MAGI2: variants seen among roughly 807,000 people sequenced by gnomAD.
MAGI2 encodes the protein membrane-associated guanylate kinase, WW and PDZ domain-containing protein 2.
A neutral mutation model predicts 133.3 loss-of-function variants in MAGI2; 35 were observed. The ratio of observed to expected loss-of-function variants is 0.26; its 90% CI spans 0.20 to 0.35. The LOEUF (loss-of-function observed/expected upper bound fraction) is 0.35, where lower values mean the gene tolerates loss of function less well. Ranked by LOEUF, MAGI2 falls within the 10% of genes least tolerant of loss-of-function variation. The pLI is 1.00. For missense variants in MAGI2, 1,636 were observed against 1,863.4 expected (o/e 0.88, Z 2.25); for synonymous variants, 729 against 710.6 (o/e 1.03, Z -0.41).
At position 78,765,343 on chromosome 7, in the gene MAGI2, C is replaced by CGTTTT. The variant is rs71931638; in HGVS notation, c.419-138105_419-138104insAAAAC. Reference sequence around the variant, plus strand: ...CATTTAACAAATGTTTAGTGCACATCTTTTTTTTTTTTTTTTTTTTTTGAG... The same window carrying CGTTTT: ...CATTTAACAAATGTTTAGTGCACATCGTTTTTTTTTTTTTTTTTTTTTTTTTTGAG... On this transcript the variant is annotated intron_variant, in intron 2 of 21. Transcript: ENST00000354212. 1.3e-4 allele frequency among the ~76,000 whole-genome samples: 12 copies of CGTTTT among 89,054 alleles called. 1 individual carries two copies. Among genetic ancestry groups the CGTTTT allele is most frequent in the Middle Eastern group, 0.013 (1 of 80 alleles). 58.4% of individuals were successfully genotyped at this position (89,054 alleles called of 152,430 possible). A position where few individuals can be genotyped will look rare whatever the true frequency, so the allele number is the denominator to read the frequency against.
chr7:78,366,804 T>A (rs1793425362), intron 7 of MAGI2, among the ~76,000 whole-genome samples: 1 of 152,180 alleles, frequency 6.6e-6, no homozygotes, highest in African/African-American at 2.4e-5. Flanking sequence ...CTGTGTGGCC[T>A]GCTACACCCA....
chr7:78,521,632 A>G lies in MAGI2; in HGVS notation c.552T>C (p.Gly184=), dbSNP rs1796513977. ...CTGGTTCTGCTGGCGGCTTTGGGGT[A>G]CCGTAGTAATTGTCTGCAAACAATA... ...ESGTYEDNYY[G]TPKPPAEPAP... is the part of the protein sequence containing the mutation. Residue 184 remains glycine, a synonymous_variant, in exon 4 of 22, where the codon GGT becomes GGC. Transcript: ENST00000354212. 1 of 1,613,974 alleles carries G rather than the reference A, an allele frequency of 6.2e-7. No homozygotes were observed. The highest frequency in any genetic ancestry group is 1.3e-5 in the African/African-American group (1 of 74,910).
intron 1 of MAGI2, among the ~76,000 whole-genome samples, chr7:79,047,926 C>T (rs538997080): frequency 5.9e-4 from 90 of 152,134 alleles, no homozygotes; most frequent in African/African-American, 2.1e-3. Context: ...TTTTAGAAGT[C>T]AATAAATGTT....
chr7:79,012,053 C>A (rs2116591571), intron 1 of MAGI2: 1 of 152,004 alleles, frequency 6.6e-6, no homozygotes, highest in Non-Finnish European at 1.5e-5. Context: ...CTACTCTGCC[C>A]TTACTTAGTC....
Position 78,573,368 on chromosome 7 carries a change from ATATAT to A in MAGI2, c.539-51728_539-51724del, listed in dbSNP as rs1801915610. Among the ~76,000 whole-genome samples the A allele has an allele frequency of 4.6e-4, 4 of 8,676 alleles. 1 individual carries two copies. Among genetic ancestry groups the A allele is most frequent in the African/African-American group, 9.1e-4 (2 of 2,196 alleles). 5.7% of individuals were successfully genotyped at this position (8,676 alleles called of 152,430 possible). A position where few individuals can be genotyped will look rare whatever the true frequency, so the allele number is the denominator to read the frequency against. On this transcript the variant is annotated intron_variant, in intron 3 of 21. Coordinates refer to ENST00000354212, the MANE Select transcript of MAGI2 (RefSeq NM_012301.4). The stretch of plus-strand genomic sequence containing the variant: ...TATAGAGAGAGAGAATCCTGGAAAT[ATATAT>A]ATATATATATATATATATATATATA...
At chr7:78,572,940 C>T (rs1219630251) in intron 3 of MAGI2, among the ~76,000 whole-genome samples, 1 of 147,780 alleles carries the variant, frequency 6.8e-6, no homozygotes, top group Non-Finnish European at 1.5e-5. Context: ...GCATGAGCCA[C>T]CATGCCTGGC....
intron 2 of MAGI2, among the ~76,000 whole-genome samples, chr7:78,956,747 G>T (rs112612822): frequency 4.6e-5 from 7 of 152,202 alleles, no homozygotes; most frequent in African/African-American, 1.7e-4. Flanking sequence ...GATAGTGCCC[G>T]TTTTTTATGT....
At chr7:79,117,771 G>C (rs1384835131) in intron 1 of MAGI2, among the ~76,000 whole-genome samples, 1 of 152,144 alleles carries the variant, frequency 6.6e-6, no homozygotes, top group Non-Finnish European at 1.5e-5. Flanking sequence ...TAGCTAAAAA[G>C]CTTCTCTGAA....
rs553001406 is a variant in MAGI2 at position 78,473,515 on chromosome 7, T to A, written c.1045+16246A>T. Among the ~76,000 whole-genome samples the A allele has an allele frequency of 4.6e-5, 7 of 152,128 alleles. No individual in the cohort carries two copies. In the South Asian group the frequency reaches 1.4e-3, roughly 31 times the overall value. ...CATCTATAACCTTCCTCCAAGTAAA[T>A]CCACATGTAAAACAAGTTTCTTTCT... On this transcript the variant is annotated intron_variant, in intron 6 of 21. Transcript: ENST00000354212.
intron 4 of MAGI2, among the ~76,000 whole-genome samples, chr7:78,511,548 T>A (rs1352032064): frequency 8.7e-6 from 1 of 114,940 alleles, no homozygotes; most frequent in Admixed American, 9.1e-5. Context: ...TATATATATA[T>A]AAATTTTTTT....
chr7:79,135,996 AAAGAAAG>A (rs1821398809), intron 1 of MAGI2, among the ~76,000 whole-genome samples: 1 of 40,372 alleles, frequency 2.5e-5, no homozygotes, highest in Non-Finnish European at 9.5e-5. Context: ...AGAAAGAAAG[AAAGAAAG>A]AGAAAGAAAG....
At chr7:79,255,243 T>C (rs1226178931) in intron 1 of MAGI2, among the ~76,000 whole-genome samples, 1 of 152,202 alleles carries the variant, frequency 6.6e-6, no homozygotes, top group East Asian at 1.9e-4. Flanking sequence ...ATTTTACTCA[T>C]TAGAATCCTA....
intron 2 of MAGI2, among the ~76,000 whole-genome samples, chr7:78,820,395 A>T: frequency 6.6e-6 from 1 of 151,984 alleles, no homozygotes; most frequent in Non-Finnish European, 1.5e-5. Flanking sequence ...AACCTGAAAG[A>T]ACATTTAAAA....
chr7:78,932,425 G>T (rs1370125439), intron 2 of MAGI2, among the ~76,000 whole-genome samples: 1 of 151,988 alleles, frequency 6.6e-6, no homozygotes, highest in African/African-American at 2.4e-5. Flanking sequence ...TGGTGTTAGA[G>T]TGACCGCCAT....
At chr7:78,034,735 C>A (rs976984152) in intron 21 of MAGI2, among the ~76,000 whole-genome samples, 1 of 152,134 alleles carries the variant, frequency 6.6e-6, no homozygotes, top group African/African-American at 2.4e-5. Context: ...ACCATGTTGG[C>A]CAGGCTGGTC....
chr7:79,036,863 A>G (rs958247580), intron 1 of MAGI2, among the ~76,000 whole-genome samples: 1 of 152,204 alleles, frequency 6.6e-6, no homozygotes, highest in Non-Finnish European at 1.5e-5. Context: ...ACTCAGATCT[A>G]TTGAGTCGAT....
chr7:78,911,376 T>C (rs1798385879), intron 2 of MAGI2, among the ~76,000 whole-genome samples: 1 of 152,182 alleles, frequency 6.6e-6, no homozygotes, highest in Non-Finnish European at 1.5e-5. Context: ...AAGTGAGGCC[T>C]TTGGGATGTG....
chr7:78,489,988 G>A (rs1793450952), intron 5 of MAGI2, 148 bp from the exon 6 acceptor site: 3 of 575,700 alleles, frequency 5.2e-6, no homozygotes, highest in Non-Finnish European at 9.2e-6. Flanking sequence ...TGAAGGAGGT[G>A]TAAGAGTAAT....
At chr7:78,286,196 TTC>T (rs891486193) in intron 9 of MAGI2, among the ~76,000 whole-genome samples, 3 of 152,118 alleles carry the variant, frequency 2.0e-5, no homozygotes, top group African/African-American at 4.8e-5. Context: ...TAAATTTGTT[TTC>T]TCTCTTTTTC....
Sources: allele counts gnomAD v4.1 joint callset (sites outside exome capture counted in the v4.1 genomes callset), GRCh38; gene constraint gnomAD v4.1.1; transcripts MANE v1.5; gene names NCBI Gene and HGNC (gene_info 2026-07-23, HGNC 2026-07-21).